NAGA: variants seen among roughly 807,000 people sequenced by gnomAD.
NAGA encodes Acetylgalactosaminidase, alpha-N- (alpha-galactosidase B).
In NAGA, 42 loss-of-function variants were observed where a neutral mutation model predicts 45.6. The ratio of observed to expected loss-of-function variants is 0.92; its 90% CI spans 0.72 to 1.19. The LOEUF (loss-of-function observed/expected upper bound fraction) is 1.19. NAGA is among the 50% of genes most tolerant of loss of function. The pLI is 0.00. For synonymous variants in NAGA, 176 were observed against 203.1 expected, an observed-to-expected ratio of 0.87 and a Z score of 1.13; for missense variants, 493 against 544.8, an observed-to-expected ratio of 0.90 and a Z score of 0.95.
intron 6 of NAGA, among the ~76,000 whole-genome samples, chr22:42,064,794 A>C (rs937734447): frequency 6.6e-6 from 1 of 152,240 alleles, no homozygotes; most frequent in African/African-American, 2.4e-5. Flanking sequence ...TAAATGTCCC[A>C]AGGTGACAGT....
chr22:42,068,607 T>C (rs774460844), intron 1 of NAGA, 33 bp from the exon 2 acceptor site: 2 of 1,612,904 alleles, frequency 1.2e-6, no homozygotes, highest in Admixed American at 1.7e-5. Flanking sequence ...ATGGTGACTA[T>C]CAGTTGCCCC....
chr22:42,060,906 A>G lies in NAGA; in HGVS notation c.1101+18T>C. The G allele has an allele frequency of 6.2e-7, 1 of 1,614,088 alleles. No homozygotes were observed. Among genetic ancestry groups the G allele is most frequent in the Non-Finnish European group, 8.5e-7 (1 of 1,179,982 alleles). ...ATCTGAAGCCCAGGCGGGTGGCTGC[A>G]GGCAGCCGGGTGCTCACCTCATATA... On this transcript the variant is annotated intron_variant, in intron 8 of 8. Coordinates refer to ENST00000396398, the MANE Select transcript of NAGA (RefSeq NM_000262.3).
Position 42,067,174 on chromosome 22 carries a change from C to G in NAGA, c.441G>C (p.Glu147Asp), listed in dbSNP as rs1030501944. ...KVVQDAQTFA[E>D]WKVDMLKLDG... ...CCAGCTTGAGCATGTCTACCTTCCACTCGGCGAAGGTCTGAGCATCCTGGA... is the reference window on the plus strand; with the variant it reads ...CCAGCTTGAGCATGTCTACCTTCCAGTCGGCGAAGGTCTGAGCATCCTGGA... Residue 147 changes from glutamate (E) to aspartate (D), a missense_variant, in exon 4 of 9, where the codon GAG (glutamate) becomes GAC (aspartate). Physicochemically the swap from Glu to Asp is conservative, Grantham distance 45 (BLOSUM62 2). Transcript: ENST00000396398. 2 of 1,614,034 alleles carry G rather than the reference C, an allele frequency of 1.2e-6. No individual in the cohort carries two copies. Among genetic ancestry groups the G allele is most frequent in the African/African-American group, 2.7e-5 (2 of 74,916 alleles).
intron 6 of NAGA, among the ~76,000 whole-genome samples, chr22:42,065,501 C>G (rs112597984): frequency 1.3e-5 from 2 of 152,184 alleles, no homozygotes; most frequent in East Asian, 3.8e-4. Flanking sequence ...ATCAGAATTG[C>G]CTGGGGAGAT....
At chr22:42,062,481 A>G (rs1926462954) in intron 7 of NAGA, among the ~76,000 whole-genome samples, 1 of 152,116 alleles carries the variant, frequency 6.6e-6, no homozygotes, top group Non-Finnish European at 1.5e-5. Flanking sequence ...CAAACAGACC[A>G]GCTCCTCCTG....
rs1926270252 is a variant in NAGA, at chr22:42,060,083, C to G, written c.*196G>C. ...CCAGGAAGGCCACAGGAAAATTGCC[C>G]CAAAAGAAGTTTCCAAGAGGGTTTA... On this transcript the variant is annotated 3_prime_UTR_variant, in exon 9 of 9. Coordinates refer to ENST00000396398, the MANE Select transcript of NAGA (RefSeq NM_000262.3). The G allele has an allele frequency of 3.0e-6, 2 of 669,856 alleles. No individual in the cohort carries two copies. Among genetic ancestry groups the G allele is most frequent in the Non-Finnish European group, 2.5e-6 (1 of 396,230 alleles). The allele number at this position is 669,856 out of a possible 1,614,324, so 41.5% of individuals were successfully genotyped here. A position where few individuals can be genotyped will look rare whatever the true frequency, so the allele number is the denominator to read the frequency against.
Position 42,067,236 on chromosome 22 carries a change from A to G in NAGA, c.379T>C (p.Cys127Arg), listed in dbSNP as rs984915146. 13 of 1,614,170 alleles carry G rather than the reference A, an allele frequency of 8.1e-6. No homozygotes were observed. Among genetic ancestry groups the G allele is most frequent in the Non-Finnish European group, 1.1e-5 (13 of 1,180,024 alleles). The change falls in exon 4 of 9, where the codon TGC (cysteine) becomes CGC (arginine). Residue 127 changes from cysteine to arginine, a missense_variant. By Grantham distance (180) the Cys-to-Arg change is radical. Coordinates refer to ENST00000396398, the MANE Select transcript of NAGA (RefSeq NM_000262.3). Reference sequence around the variant, plus strand: ...AGTGTGGTGCCTGGGTAACCCATGCAGGTGAAGTTGCCCATGTCCGCGTAG... The same window carrying G: ...AGTGTGGTGCCTGGGTAACCCATGCGGGTGAAGTTGCCCATGTCCGCGTAG... ...GIYADMGNFT[C>R]MGYPGTTLDK... is the part of the protein sequence containing the mutation.
intron 7 of NAGA, among the ~76,000 whole-genome samples, chr22:42,062,222 C>T (rs948423896): frequency 1.3e-5 from 2 of 152,082 alleles, no homozygotes; most frequent in Non-Finnish European, 2.9e-5. Context: ...GCCTGTAATC[C>T]CAGCACTTTG....
At position 42,070,782 on chromosome 22, in the gene NAGA, G is replaced by A. The variant is rs891930887; in HGVS notation, c.-485C>T. The A allele has an allele frequency of 1.3e-5, 3 of 231,552 alleles. No individual in the cohort carries two copies. The highest frequency in any genetic ancestry group is 1.1e-4 in the South Asian group (2 of 18,588). 14.3% of individuals were successfully genotyped at this position (231,552 alleles called of 1,614,324 possible). On this transcript the variant is annotated 5_prime_UTR_variant, in exon 1 of 9. Coordinates refer to ENST00000396398, the MANE Select transcript of NAGA (RefSeq NM_000262.3). ...TCCTACCGAAGCGTTCAGACCTGCC[G>A]CCGCTTCTGACTCGAATCCGGTAAC...
chr22:42,061,400 A>G (rs1159069318), intron 7 of NAGA, among the ~76,000 whole-genome samples: 1 of 152,252 alleles, frequency 6.6e-6, no homozygotes, highest in Non-Finnish European at 1.5e-5. Context: ...AGTACAGCGT[A>G]TGAGTGCTGG....
At position 42,068,460 on chromosome 22, in the gene NAGA, T is replaced by A; in HGVS notation, c.131A>T (p.Glu44Val). The A allele has an allele frequency of 6.2e-7, 1 of 1,614,178 alleles. No individual in the cohort carries two copies. Among genetic ancestry groups the A allele is most frequent in the Non-Finnish European group, 8.5e-7 (1 of 1,180,028 alleles). Residue 44 changes from glutamate (E) to valine (V), a missense_variant, in exon 2 of 9, where the codon GAG becomes GTG. Transcript: ENST00000396398. ...ERFRCNINCD[E>V]DPKNCISEQL... is the part of the protein sequence containing the mutation. ...TCACCTTATGCAGTTCTTTGGGTCC[T>A]CATCACAGTTAATGTTGCAGCGGAA...
chr22:42,064,340 C>A (rs1163606120), intron 6 of NAGA, among the ~76,000 whole-genome samples: 1 of 138,772 alleles, frequency 7.2e-6, no homozygotes, highest in Non-Finnish European at 1.5e-5. Flanking sequence ...AACTCAGTCT[C>A]TAAATAAATA....
chr22:42,070,695 G>A lies in NAGA; in HGVS notation c.-398C>T. On this transcript the variant is annotated 5_prime_UTR_variant, in exon 1 of 9. Coordinates refer to ENST00000396398, the MANE Select transcript of NAGA (RefSeq NM_000262.3). ...GCTGCGGCCAGGCTCCGGACTTCCAGCCGGGTCCGGGTTCCCGCCCTGGGC... is the reference window on the plus strand; with the variant it reads ...GCTGCGGCCAGGCTCCGGACTTCCAACCGGGTCCGGGTTCCCGCCCTGGGC... The A allele has an allele frequency of 2.9e-6, 1 of 341,602 alleles. No individual in the cohort carries two copies. The highest frequency in any genetic ancestry group is 7.0e-5 in the East Asian group (1 of 14,202). The allele number at this position is 341,602 out of a possible 1,614,324, so 21.2% of individuals were successfully genotyped here. A position where few individuals can be genotyped will look rare whatever the true frequency, so the allele number is the denominator to read the frequency against.
intron 6 of NAGA, among the ~76,000 whole-genome samples, chr22:42,063,540 T>C (rs1926533900): frequency 6.6e-6 from 1 of 152,382 alleles, no homozygotes; most frequent in South Asian, 2.1e-4. Flanking sequence ...TTGTGTTATC[T>C]GCAAATTCCA....
At position 42,068,515 on chromosome 22, in the gene NAGA, G is replaced by A; in HGVS notation, c.76C>T (p.Pro26Ser). 1 of 1,614,180 alleles carries A rather than the reference G, an allele frequency of 6.2e-7. No homozygotes were observed. The highest frequency in any genetic ancestry group is 1.3e-5 in the African/African-American group (1 of 75,030). ...LMLDNGLLQT[P>S]PMGWLAWERF... Reference sequence around the variant, plus strand: ...TCCCAGGCCAGCCAGCCCATGGGTGGTGTCTGCAGGAGCCCATTGTCCAGC... The same window carrying A: ...TCCCAGGCCAGCCAGCCCATGGGTGATGTCTGCAGGAGCCCATTGTCCAGC... Residue 26 changes from proline (P) to serine (S), a missense_variant, in exon 2 of 9, where the codon CCA becomes TCA. Physicochemically the swap from Pro to Ser is moderately conservative, Grantham distance 74. Transcript: ENST00000396398.
At chr22:42,067,554 G>C (rs1300631972) in intron 3 of NAGA, among the ~76,000 whole-genome samples, 1 of 152,206 alleles carries the variant, frequency 6.6e-6, no homozygotes, top group Non-Finnish European at 1.5e-5. Flanking sequence ...CTCAAGAAAT[G>C]CCTCCTCCAG....
intron 1 of NAGA, among the ~76,000 whole-genome samples, chr22:42,068,925 T>C (rs1444760317): frequency 6.6e-6 from 1 of 152,002 alleles, no homozygotes; most frequent in Non-Finnish European, 1.5e-5. Flanking sequence ...CTCCTAGGCC[T>C]ACCACGGAAC....
intron 1 of NAGA, among the ~76,000 whole-genome samples, chr22:42,068,900 T>C (rs1166056471): frequency 6.6e-6 from 1 of 151,972 alleles, no homozygotes; most frequent in African/African-American, 2.4e-5. Flanking sequence ...TATATAGAAC[T>C]TAACAGTACA....
chr22:42,067,886 C>T lies in NAGA; in HGVS notation c.203G>A (p.Arg68Gln), dbSNP rs758302181. ...MADRMAQDGW[R>Q]DMGYTYLNID... is the part of the protein sequence containing the mutation. Reference sequence around the variant, plus strand: ...GTTGAGGTATGTGTAGCCCATGTCCCGCCATCCATCCTGTGCCATCCGGTC... The same window carrying T: ...GTTGAGGTATGTGTAGCCCATGTCCTGCCATCCATCCTGTGCCATCCGGTC... The change falls in exon 3 of 9, where the codon CGG (arginine) becomes CAG (glutamine). Residue 68 changes from arginine (R) to glutamine (Q), a missense_variant. Transcript: ENST00000396398. 20 of 1,613,636 alleles carry T rather than the reference C, an allele frequency of 1.2e-5. No homozygotes were observed. Among genetic ancestry groups the T allele is most frequent in the East Asian group, 6.7e-5 (3 of 44,886 alleles).
Sources: gnomAD v4.1 joint callset for allele counts (sites outside exome capture counted in the v4.1 genomes callset) on GRCh38, gnomAD v4.1.1 for gene constraint, MANE v1.5 for transcripts, NCBI Gene and HGNC (gene_info 2026-07-23, HGNC 2026-07-21) for gene names.